The following WWP2 variants were observed in gnomAD, a reference collection of about 807,000 sequenced individuals.
The protein encoded by WWP2 is NEDD4-like E3 ubiquitin-protein ligase WWP2.
A neutral mutation model predicts 121.0 loss-of-function variants in WWP2; 57 were observed. The observed-to-expected ratio is 0.47, with a 90% confidence interval of 0.38 to 0.59. WWP2 has a LOEUF of 0.59. Among genes scored for constraint, WWP2 ranks in the 20% least tolerant of loss-of-function variants. The probability of loss-of-function intolerance (pLI) is 0.00; values close to 1 mark genes in which losing one functional copy is unlikely to be tolerated. For missense variants in WWP2, 962 were observed against 1,158.9 expected, an observed-to-expected ratio of 0.83 and a Z score of 2.47; for synonymous variants, 449 against 441.3, an observed-to-expected ratio of 1.02 and a Z score of -0.22.
chr16:69,801,796 T>A (rs2056173035), intron 4 of WWP2, among the ~76,000 whole-genome samples: 1 of 152,322 alleles, frequency 6.6e-6, no homozygotes, highest in South Asian at 2.1e-4. Flanking sequence ...CTTGTTCTGA[T>A]CTTTTTTTAT....
At chr16:69,800,407 A>G (rs2056137432) in intron 4 of WWP2, among the ~76,000 whole-genome samples, 1 of 152,232 alleles carries the variant, frequency 6.6e-6, no homozygotes, top group Admixed American at 6.5e-5. Flanking sequence ...GCCTCACATT[A>G]GGATGCAGCA....
At chr16:69,909,818 A>G (rs2058353692) in intron 9 of WWP2, 1 of 564,254 alleles carries the variant, frequency 1.8e-6, no homozygotes, top group South Asian at 7.8e-5. Context: ...AATGTTACAA[A>G]CCCCCACATA....
chr16:69,773,089 G>C (rs1277109746), intron 1 of WWP2, among the ~76,000 whole-genome samples: 1 of 152,048 alleles, frequency 6.6e-6, no homozygotes, highest in East Asian at 1.9e-4. Context: ...CTGGCCTCTG[G>C]GAAGACGCTA....
intron 8 of WWP2, among the ~76,000 whole-genome samples, chr16:69,898,224 C>T (rs1040189730): frequency 2.6e-5 from 4 of 151,916 alleles, no homozygotes; most frequent in African/African-American, 7.3e-5. Flanking sequence ...GACAGGGTTT[C>T]GCCATGTTAG....
At chr16:69,813,718 G>A (rs114334336) in intron 4 of WWP2, among the ~76,000 whole-genome samples, 4 of 152,048 alleles carry the variant, frequency 2.6e-5, no homozygotes, top group South Asian at 2.1e-4. Context: ...ATCCTCCCAC[G>A]TTGGCGTCCC....
chr16:69,873,573 G>A (rs1396616325), intron 7 of WWP2, among the ~76,000 whole-genome samples: 2 of 152,214 alleles, frequency 1.3e-5, no homozygotes, highest in Non-Finnish European at 2.9e-5. Context: ...GCTGAGCCTG[G>A]CCTTCCTGTC....
At chr16:69,860,838 G>GT (rs1020357688) in intron 6 of WWP2, among the ~76,000 whole-genome samples, 2 of 86,142 alleles carry the variant, frequency 2.3e-5, no homozygotes, top group Non-Finnish European at 4.0e-5. Flanking sequence ...TCGATCTCTA[G>GT]TTAAAAAAAA....
chr16:69,825,587 T>C (rs975502845), intron 4 of WWP2, among the ~76,000 whole-genome samples: 7 of 151,944 alleles, frequency 4.6e-5, no homozygotes, highest in Non-Finnish European at 1.0e-4. Flanking sequence ...TATTATTTAT[T>C]GTAAAGACGA....
chr16:69,820,126 A>T (rs60941540), intron 4 of WWP2, among the ~76,000 whole-genome samples: 59,955 of 151,980 alleles, frequency 0.39, 12,032 homozygotes, highest in Admixed American at 0.5. Flanking sequence ...CCAGCTACTC[A>T]GGAGGGTGAG....
rs1293142680 is a variant in WWP2, at chr16:69,836,553, AAGTTT to A, written c.341-3566_341-3562del. On this transcript the variant is annotated intron_variant, in intron 4 of 23. Transcript: ENST00000359154. ...GAACAGAGGAGGGTTATGTTCTCAAAAGTTTAGTTTAAAGAAAAAAGGCCCTCTCT... is the reference window on the plus strand; with the variant it reads ...GAACAGAGGAGGGTTATGTTCTCAAAAGTTTAAAGAAAAAAGGCCCTCTCT... Among the ~76,000 whole-genome samples the A allele has an allele frequency of 5.9e-5, 9 of 152,236 alleles. No homozygotes were observed. In the East Asian group the frequency reaches 1.5e-3, roughly 26 times the overall value.
At chr16:69,812,193 G>A (rs2056405805) in intron 4 of WWP2, among the ~76,000 whole-genome samples, 2 of 135,162 alleles carry the variant, frequency 1.5e-5, no homozygotes, top group Non-Finnish European at 3.1e-5. Context: ...TTGAGATGGA[G>A]TCTCGTTCTG....
At chr16:69,900,803 C>T (rs546648541) in intron 8 of WWP2, among the ~76,000 whole-genome samples, 4 of 152,184 alleles carry the variant, frequency 2.6e-5, no homozygotes, top group East Asian at 3.9e-4. Flanking sequence ...GAATTACAGG[C>T]GTGAGTCACC....
chr16:69,893,552 G>GT (rs149281767), intron 8 of WWP2, among the ~76,000 whole-genome samples: 15 of 151,604 alleles, frequency 9.9e-5, no homozygotes, highest in East Asian at 3.9e-4. Flanking sequence ...TCAGAATGCT[G>GT]TTTTTTTTGT....
intron 4 of WWP2, among the ~76,000 whole-genome samples, chr16:69,822,108 C>A (rs1262397584): frequency 6.6e-6 from 1 of 152,140 alleles, no homozygotes; most frequent in Admixed American, 6.6e-5. Context: ...CTCAAGCGAT[C>A]CTTCCACCTC....
intron 1 of WWP2, among the ~76,000 whole-genome samples, chr16:69,771,795 G>T (rs755439660): frequency 6.6e-6 from 1 of 151,904 alleles, no homozygotes; most frequent in Non-Finnish European, 1.5e-5. Flanking sequence ...ACCCAAGTGC[G>T]GGAAGGTGAG....
chr16:69,799,301 T>G lies in WWP2; in HGVS notation c.340+6T>G. ...GAAGAACAATGGGGGCAAAAGTACG[T>G]ATGATGAAGGGGGTGCCGACGTGAT... On this transcript the variant is annotated splice_donor_region_variant and intron_variant, in intron 4 of 23. Transcript: ENST00000359154. The surrounding 1 kb of genome is among the most constrained non-coding windows in gnomAD (Gnocchi z 4.5). 6.2e-7 allele frequency: 1 copy of G among 1,612,644 alleles called. No homozygotes were observed. Among genetic ancestry groups the G allele is most frequent in the Non-Finnish European group, 8.5e-7 (1 of 1,179,478 alleles).
At chr16:69,938,049 T>C (rs780033890) in intron 21 of WWP2, among the ~76,000 whole-genome samples, 25 of 152,246 alleles carry the variant, frequency 1.6e-4, no homozygotes, top group Non-Finnish European at 3.5e-4. Context: ...GGTTTTGTTG[T>C]TGTCGTTATG....
intron 6 of WWP2, among the ~76,000 whole-genome samples, chr16:69,847,025 C>G (rs1413475792): frequency 6.6e-6 from 1 of 152,046 alleles, no homozygotes; most frequent in Non-Finnish European, 1.5e-5. Flanking sequence ...TCCCAAGTAG[C>G]TGGGACTACA....
At position 69,871,916 on chromosome 16, in the gene WWP2, T is replaced by A. The variant is rs1477324474; in HGVS notation, c.688T>A (p.Leu230Met). ...QPVKNSGHSG[L>M]ANGTVNDEPT... ...CGTCAAGAACTCAGGCCACAGTGGC[T>A]TGGCCAATGGCACAGGTGAGTGATG... Residue 230 changes from leucine (L) to methionine (M), a missense_variant, in exon 7 of 24, where the codon TTG becomes ATG. By Grantham distance (15) the Leu-to-Met change is conservative. Transcript: ENST00000359154. 1 of 1,613,782 alleles carries A rather than the reference T, an allele frequency of 6.2e-7. No individual in the cohort carries two copies. Among genetic ancestry groups the A allele is most frequent in the Non-Finnish European group, 8.5e-7 (1 of 1,179,938 alleles).
Sources: allele counts gnomAD v4.1 joint callset (sites outside exome capture counted in the v4.1 genomes callset), GRCh38; gene constraint gnomAD v4.1.1; non-coding constraint Gnocchi (gnomAD v3.1); transcripts MANE v1.5; gene names NCBI Gene and HGNC (gene_info 2026-07-23, HGNC 2026-07-21).